Variants in WDR7 observed in about 807,000 individuals in gnomAD.
WDR7 encodes the protein WD repeat-containing protein 7.
A neutral mutation model predicts 169.4 loss-of-function variants in WDR7; 46 were observed. The observed-to-expected ratio is 0.27, with a 90% confidence interval of 0.21 to 0.35. The LOEUF is 0.35. WDR7 is among the 10% of genes least tolerant of loss of function. WDR7 has a pLI of 1.00. For missense variants in WDR7, 1,534 were observed against 1,859.3 expected, an observed-to-expected ratio of 0.83 and a Z score of 3.22; for synonymous variants, 612 against 666.8, an observed-to-expected ratio of 0.92 and a Z score of 1.27.
chr18:56,914,076 AG>A (rs2046589892), intron 21 of WDR7, among the ~76,000 whole-genome samples: 1 of 152,176 alleles, frequency 6.6e-6, no homozygotes, highest in African/African-American at 2.4e-5. Context: ...TCCATCCCGC[AG>A]CTACCTCTGT....
rs540675411 is a variant in WDR7, at chr18:56,971,344, C to T, written c.4164+8815C>T. Among the ~76,000 whole-genome samples, 8 of 150,342 alleles carry T rather than the reference C, an allele frequency of 5.3e-5. No individual in the cohort carries two copies. The South Asian group carries it at 1.3e-3, about 24-fold the overall frequency. On this transcript the variant is annotated intron_variant, in intron 26 of 27. Transcript: ENST00000254442. ...CTGTTTTGCCTCCTGTATTTGTCAT[C>T]TTAGACAACAGATTGTTTCTCCATT...
At chr18:56,949,156 T>TCCCCCTCTC in intron 25 of WDR7, among the ~76,000 whole-genome samples, 1 of 143,860 alleles carries the variant, frequency 7.0e-6, no homozygotes, top group Admixed American at 6.9e-5. Context: ...CTCTCTCTCT[T>TCCCCCTCTC]TCCCTTTGGC....
intron 21 of WDR7, among the ~76,000 whole-genome samples, chr18:56,892,085 A>G (rs1291158221): frequency 6.6e-6 from 1 of 152,102 alleles, no homozygotes; most frequent in East Asian, 1.9e-4. Context: ...CTTCTCCAAA[A>G]ATAACTTTAA....
intron 25 of WDR7, among the ~76,000 whole-genome samples, chr18:56,942,422 A>G (rs1242351083): frequency 3.9e-5 from 6 of 152,194 alleles, no homozygotes; most frequent in Non-Finnish European, 8.8e-5. Flanking sequence ...CTCTGGTGCT[A>G]CTGGGCTGTC....
chr18:56,747,562 G>A (rs894883559), intron 14 of WDR7, among the ~76,000 whole-genome samples: 5 of 152,160 alleles, frequency 3.3e-5, no homozygotes, highest in African/African-American at 9.7e-5. Flanking sequence ...GGAGAAAAGT[G>A]CGTAGTTCAT....
chr18:56,848,974 C>T (rs548347189), intron 20 of WDR7, among the ~76,000 whole-genome samples: 35 of 152,282 alleles, frequency 2.3e-4, no homozygotes, highest in Admixed American at 7.2e-4. Context: ...TAACTTTTCC[C>T]ACTTACTAAA....
intron 13 of WDR7, among the ~76,000 whole-genome samples, chr18:56,728,515 C>A (rs1380135107): frequency 1.3e-5 from 2 of 152,130 alleles, no homozygotes; most frequent in Non-Finnish European, 2.9e-5. Context: ...TGGCTGATAC[C>A]CTGTGACTGA....
At chr18:57,033,924 G>A (rs1260577093), downstream of WDR7, 1 of 152,134 alleles carries the variant, frequency 6.6e-6, no homozygotes, top group East Asian at 1.9e-4. Context: ...GAGGCGGGGA[G>A]GATCACTTGA....
chr18:56,982,049 A>G (rs551111945), intron 26 of WDR7, among the ~76,000 whole-genome samples: 2 of 152,290 alleles, frequency 1.3e-5, no homozygotes, highest in Admixed American at 1.3e-4. Flanking sequence ...TGTTAACACT[A>G]TTATTCTGAA....
At chr18:56,716,615 A>T (rs1249680782) in intron 12 of WDR7, among the ~76,000 whole-genome samples, 1 of 152,216 alleles carries the variant, frequency 6.6e-6, no homozygotes. Flanking sequence ...GAGACCATTG[A>T]TAGACCATAT....
At chr18:56,890,571 A>G (rs774478668) in intron 21 of WDR7, among the ~76,000 whole-genome samples, 3 of 152,196 alleles carry the variant, frequency 2.0e-5, no homozygotes, top group Non-Finnish European at 4.4e-5. Context: ...CCATTTGCAA[A>G]GATAAGCAAT....
chr18:56,834,819 C>T (rs1267734101), intron 20 of WDR7, among the ~76,000 whole-genome samples: 1 of 152,166 alleles, frequency 6.6e-6, no homozygotes, highest in Non-Finnish European at 1.5e-5. Flanking sequence ...AGTTTAGAAG[C>T]AGGGCTTGAT....
At chr18:56,711,610 G>A (rs1440712035) in intron 12 of WDR7, among the ~76,000 whole-genome samples, 1 of 151,810 alleles carries the variant, frequency 6.6e-6, no homozygotes, top group East Asian at 1.9e-4. Context: ...TCTTGTTCAC[G>A]TAATTATCCA....
At chr18:56,907,769 C>G (rs1050810067) in intron 21 of WDR7, among the ~76,000 whole-genome samples, 1 of 152,058 alleles carries the variant, frequency 6.6e-6, no homozygotes, top group Non-Finnish European at 1.5e-5. Flanking sequence ...CCTGAGAGTC[C>G]TCACTTGGTA....
chr18:56,733,019 G>A (rs2026621074), intron 14 of WDR7, among the ~76,000 whole-genome samples: 2 of 152,086 alleles, frequency 1.3e-5, no homozygotes, highest in Non-Finnish European at 2.9e-5. Flanking sequence ...AGTTATGAAT[G>A]GCTTTTGTAA....
At chr18:56,865,721 T>C (rs1027592512) in intron 20 of WDR7, among the ~76,000 whole-genome samples, 1 of 152,182 alleles carries the variant, frequency 6.6e-6, no homozygotes, top group African/African-American at 2.4e-5. Context: ...AGTATTTGAT[T>C]TCTGTATGGT....
intron 14 of WDR7, among the ~76,000 whole-genome samples, chr18:56,746,619 A>G (rs548994171): frequency 3.2e-4 from 49 of 152,310 alleles, no homozygotes; most frequent in African/African-American, 1.1e-3. Context: ...TTCAAGTATA[A>G]TACAGCCAGA....
At chr18:56,976,747 A>G (rs1047869548) in intron 26 of WDR7, among the ~76,000 whole-genome samples, 1 of 152,232 alleles carries the variant, frequency 6.6e-6, no homozygotes, top group Non-Finnish European at 1.5e-5. Context: ...GTTGACCAAA[A>G]TCATATCACT....
chr18:56,717,139 A>G (rs1434598601), intron 12 of WDR7, among the ~76,000 whole-genome samples: 1 of 152,234 alleles, frequency 6.6e-6, no homozygotes, highest in African/African-American at 2.4e-5. Flanking sequence ...GGTTTCCCTC[A>G]GTATGACCTG....
Sources: allele counts gnomAD v4.1 joint callset (sites outside exome capture counted in the v4.1 genomes callset), GRCh38; gene constraint gnomAD v4.1.1; transcripts MANE v1.5; gene names NCBI Gene and HGNC (gene_info 2026-07-23, HGNC 2026-07-21).